Variants in SCN11A observed in about 807,000 individuals in gnomAD.
The protein encoded by SCN11A is sodium channel protein type 11 subunit alpha.
In SCN11A, 122 loss-of-function variants were observed where a neutral mutation model predicts 162.2. That is an observed-to-expected ratio of 0.75 (90% CI 0.65 to 0.87). The LOEUF (loss-of-function observed/expected upper bound fraction) is 0.87. SCN11A is among the 40% of genes least tolerant of loss of function. SCN11A has a pLI of 0.00. For missense variants in SCN11A, 2,015 were observed against 2,181.6 expected (o/e 0.92, Z 1.52); for synonymous variants, 758 against 751.5 (o/e 1.01, Z -0.14).
intron 3 of SCN11A, among the ~76,000 whole-genome samples, chr3:38,955,479 G>A (rs1379364500): frequency 6.6e-6 from 1 of 152,084 alleles, no homozygotes. Context: ...AGGAAAATTC[G>A]ACTGTGAAAA....
At chr3:38,923,038 G>A (rs2066079520) in intron 9 of SCN11A, among the ~76,000 whole-genome samples, 1 of 152,042 alleles carries the variant, frequency 6.6e-6, no homozygotes. Context: ...GAGGAAAAGG[G>A]TGTGCTATAA....
rs772838016 is a variant in SCN11A at position 38,921,049 on chromosome 3, G to A, written c.892+27C>T. 9 of 1,605,824 alleles carry A rather than the reference G, an allele frequency of 5.6e-6. No individual in the cohort carries two copies. In the South Asian group the frequency reaches 7.7e-5, roughly 14 times the overall value. On this transcript the variant is annotated intron_variant, in intron 10 of 29. Transcript: ENST00000302328. ...GAAAAGTTAACCATGCAAAAACCAA[G>A]GAGTGAAAGAAAGGTTGGGTATTTA...
chr3:38,911,102 T>C (rs1282615951), intron 11 of SCN11A, among the ~76,000 whole-genome samples: 1 of 152,188 alleles, frequency 6.6e-6, no homozygotes, highest in East Asian at 1.9e-4. Flanking sequence ...ATTTGATTTA[T>C]CAATTGTAGT....
intron 2 of SCN11A, among the ~76,000 whole-genome samples, chr3:38,985,170 C>G (rs2030191933): frequency 6.8e-6 from 1 of 147,020 alleles, no homozygotes; most frequent in Non-Finnish European, 1.5e-5. Flanking sequence ...CTCTGTTGCC[C>G]AGGCTGGAGT....
chr3:38,881,186 C>T (rs906511503), intron 22 of SCN11A, among the ~76,000 whole-genome samples: 2 of 152,208 alleles, frequency 1.3e-5, no homozygotes, highest in Non-Finnish European at 2.9e-5. Context: ...AGGAAACTGT[C>T]CCGTTCCAGC....
intron 23 of SCN11A, among the ~76,000 whole-genome samples, chr3:38,875,434 A>G (rs139320176): frequency 1.4e-3 from 216 of 152,220 alleles, no homozygotes; most frequent in Non-Finnish European, 2.0e-3. Context: ...CCTCTTGATG[A>G]TATGATTGTA....
intron 2 of SCN11A, among the ~76,000 whole-genome samples, chr3:38,982,556 G>A (rs904859648): frequency 3.3e-5 from 5 of 152,140 alleles, no homozygotes; most frequent in Non-Finnish European, 7.4e-5. Flanking sequence ...GCTTTTATAC[G>A]AACAACCCAG....
At chr3:38,892,681 GT>G (rs2126114505) in intron 19 of SCN11A, among the ~76,000 whole-genome samples, 1 of 151,986 alleles carries the variant, frequency 6.6e-6, no homozygotes, top group African/African-American at 2.4e-5. Context: ...AGTTGTTTGG[GT>G]TTTAACATAT....
intron 1 of SCN11A, among the ~76,000 whole-genome samples, chr3:39,048,970 A>T (rs2032254577): frequency 6.6e-6 from 1 of 152,186 alleles, no homozygotes; most frequent in African/African-American, 2.4e-5. Flanking sequence ...TCCAGCCCCA[A>T]TCTTTTAGCT....
At chr3:38,870,559 T>C (rs1256090138) in intron 26 of SCN11A, 132 bp downstream of exon 26, 6 of 697,414 alleles carry the variant, frequency 8.6e-6, no homozygotes, top group Admixed American at 4.8e-5. Flanking sequence ...TCTCATAGTG[T>C]TTTGTTCCAA....
At chr3:38,863,117 G>A in intron 28 of SCN11A, 78 bp downstream of exon 28, 1 of 844,476 alleles carries the variant, frequency 1.2e-6, no homozygotes. Context: ...GAATAAAGAA[G>A]GATGGCATTA....
intron 2 of SCN11A, among the ~76,000 whole-genome samples, chr3:38,976,634 A>C (rs761350143): frequency 2.0e-5 from 3 of 152,218 alleles, no homozygotes; most frequent in Non-Finnish European, 4.4e-5. Flanking sequence ...TCTTGTCCCA[A>C]GTATTTTGGA....
chr3:38,862,501 C>A (rs1348581646), intron 28 of SCN11A, among the ~76,000 whole-genome samples: 1 of 151,980 alleles, frequency 6.6e-6, no homozygotes. Flanking sequence ...TAAATGCCTG[C>A]CAACCAAAGA....
rs764663366 is a variant in SCN11A, at chr3:38,950,349, C to T, written c.14G>A (p.Cys5Tyr). 6.2e-7 allele frequency: 1 copy of T among 1,613,662 alleles called. No individual in the cohort carries two copies. The highest frequency in any genetic ancestry group is 1.7e-5 in the Admixed American group (1 of 60,018). MDDR[C>Y]YPVIFPDERN... ...CTCATCTGGAAAGATTACTGGGTAG[C>T]ATCTGTCATCCATCTTCACCCTCAG... The change falls in exon 5 of 30, where the codon TGC (cysteine) becomes TAC (tyrosine). Residue 5 changes from cysteine (C) to tyrosine (Y), a missense_variant. Cys to Tyr is a radical substitution (Grantham distance 194). Transcript: ENST00000302328.
At chr3:39,036,008 C>G (rs567519948) in intron 1 of SCN11A, among the ~76,000 whole-genome samples, 2 of 152,226 alleles carry the variant, frequency 1.3e-5, no homozygotes, top group African/African-American at 4.8e-5. Flanking sequence ...ACCAGGTGGT[C>G]TGGTCCCCTG....
intron 11 of SCN11A, among the ~76,000 whole-genome samples, chr3:38,914,776 A>C (rs2065936087): frequency 6.6e-6 from 1 of 151,934 alleles, no homozygotes. Flanking sequence ...CTGATGAATC[A>C]CATTTATTGA....
chr3:38,878,191 T>TAAAC (rs1320054824), intron 23 of SCN11A, among the ~76,000 whole-genome samples: 1 of 151,324 alleles, frequency 6.6e-6, no homozygotes, highest in African/African-American at 2.4e-5. Flanking sequence ...AATAAATAAA[T>TAAAC]AAACCCACCC....
chr3:39,028,457 A>G (rs151092218), intron 2 of SCN11A, among the ~76,000 whole-genome samples: 1 of 152,280 alleles, frequency 6.6e-6, no homozygotes, highest in East Asian at 1.9e-4. Context: ...CCTATTTGAG[A>G]TTTTATATTA....
At chr3:38,950,390 C>T in intron 4 of SCN11A, 21 bp from the exon 5 acceptor site, 21 of 1,611,248 alleles carry the variant, frequency 1.3e-5, no homozygotes, top group Non-Finnish European at 1.8e-5. Flanking sequence ...AGACAAGCCA[C>T]AGATCCTCAG....
Sources: gnomAD v4.1 joint callset for allele counts (sites outside exome capture counted in the v4.1 genomes callset) on GRCh38, gnomAD v4.1.1 for gene constraint, MANE v1.5 for transcripts, NCBI Gene and HGNC (gene_info 2026-07-23, HGNC 2026-07-21) for gene names.